STK32B: variants seen among roughly 807,000 people sequenced by gnomAD.
STK32B encodes the protein serine/threonine kinase 32B.
STK32B carries 43 observed loss-of-function variants against 52.6 expected under a neutral mutation model. The ratio of observed to expected loss-of-function variants is 0.82; its 90% CI spans 0.64 to 1.05. The LOEUF (loss-of-function observed/expected upper bound fraction) is 1.05, where lower values mean the gene tolerates loss of function less well. Among genes scored for constraint, STK32B ranks in the 50% least tolerant of loss-of-function variants. STK32B has a pLI of 0.00. For synonymous variants in STK32B, 238 were observed against 204.3 expected (o/e 1.17, Z -1.41); for missense variants, 621 against 534.6 (o/e 1.16, Z -1.59).
chr4:5,149,663 A>G (rs1717187486), intron 2 of STK32B, among the ~76,000 whole-genome samples: 1 of 151,868 alleles, frequency 6.6e-6, no homozygotes, highest in African/African-American at 2.4e-5. Context: ...TGTCAAATGT[A>G]TTGCAGCTTC....
intron 3 of STK32B, among the ~76,000 whole-genome samples, chr4:5,214,484 C>T (rs1157333488): frequency 6.6e-6 from 1 of 152,122 alleles, no homozygotes; most frequent in East Asian, 1.9e-4. Context: ...CTCACTATTC[C>T]AGCATGATTT....
chr4:5,456,731 T>C, intron 7 of STK32B, 76 bp from the exon 8 acceptor site: 1 of 1,266,546 alleles, frequency 7.9e-7, no homozygotes, highest in East Asian at 2.5e-5. Context: ...TCCCTCATAA[T>C]CATACAATCT....
At chr4:5,195,194 A>G (rs982625804) in intron 3 of STK32B, among the ~76,000 whole-genome samples, 2 of 152,048 alleles carry the variant, frequency 1.3e-5, no homozygotes, top group African/African-American at 2.4e-5. Context: ...CCGGCCTCAG[A>G]CTATATTTTC....
rs201800575 is a variant in STK32B, at chr4:5,331,367, T to C, written c.408T>C (p.Tyr136=). The C allele has an allele frequency of 1.9e-6, 3 of 1,613,044 alleles. No individual in the cohort carries two copies. The African/African-American group carries it at 4.0e-5, about 22-fold the overall frequency. The change falls in exon 4 of 12, where the codon TAT becomes TAC. Residue 136 remains tyrosine, a synonymous_variant. Coordinates refer to ENST00000282908, the MANE Select transcript of STK32B (RefSeq NM_018401.3). The stretch of plus-strand genomic sequence containing the variant: ...GTGAGCTGGCACTGGCCCTGGAGTA[T>C]CTTCAGAGGTACCACATCATCCACA... ...YICELALALE[Y]LQRYHIIHRD... is the part of the protein sequence containing the mutation.
chr4:5,367,898 C>G (rs1734978687), intron 4 of STK32B, among the ~76,000 whole-genome samples: 1 of 152,166 alleles, frequency 6.6e-6, no homozygotes, highest in African/African-American at 2.4e-5. Context: ...AGACCTCTCC[C>G]TGTCCACATC....
At chr4:5,320,291 G>A (rs1183597732) in intron 3 of STK32B, among the ~76,000 whole-genome samples, 1 of 152,056 alleles carries the variant, frequency 6.6e-6, no homozygotes, top group Admixed American at 6.6e-5. Context: ...AAACATTCAG[G>A]CATATTCACC....
chr4:5,486,747 C>A (rs1719252583), intron 11 of STK32B, among the ~76,000 whole-genome samples: 2 of 152,210 alleles, frequency 1.3e-5, no homozygotes, highest in South Asian at 4.1e-4. Flanking sequence ...GCTGGCTCCA[C>A]CCCCCTAAAA....
At chr4:5,110,091 A>G (rs1714315822) in intron 1 of STK32B, among the ~76,000 whole-genome samples, 1 of 152,114 alleles carries the variant, frequency 6.6e-6, no homozygotes, top group South Asian at 2.1e-4. Flanking sequence ...CACTGATGAA[A>G]GAAATTGTAG....
intron 4 of STK32B, among the ~76,000 whole-genome samples, chr4:5,391,842 T>C (rs1445682018): frequency 2.6e-5 from 4 of 152,210 alleles, no homozygotes; most frequent in Non-Finnish European, 4.4e-5. Context: ...CTCATGCATG[T>C]ATGATGGTAG....
chr4:5,135,456 A>G (rs115923503), intron 1 of STK32B, among the ~76,000 whole-genome samples: 18 of 152,346 alleles, frequency 1.2e-4, no homozygotes, highest in African/African-American at 4.3e-4. Context: ...ATTTAACAAT[A>G]AAATAGTTAG....
In STK32B at chr4:5,460,579, C is replaced by T. The variant is rs897985417; in HGVS notation, c.909+351C>T. On this transcript the variant is annotated intron_variant, in intron 9 of 11. Coordinates refer to ENST00000282908, the MANE Select transcript of STK32B (RefSeq NM_018401.3). This position sits in a 1 kb window ranked among gnomAD's most constrained non-coding sequence, Gnocchi z 4.8. Reference sequence around the variant, plus strand: ...GAGGAAGACAGGCAATGACCTACCCCGACAGGGCAGTCAGCACTTGTTGCA... The same window carrying T: ...GAGGAAGACAGGCAATGACCTACCCTGACAGGGCAGTCAGCACTTGTTGCA... Among the ~76,000 whole-genome samples the T allele has an allele frequency of 5.3e-5, 8 of 152,148 alleles. No individual in the cohort carries two copies. In the South Asian group the frequency reaches 6.2e-4, roughly 12 times the overall value.
chr4:5,050,620 G>A (rs544362370), upstream of STK32B, among the ~76,000 whole-genome samples: 1 of 152,270 alleles, frequency 6.6e-6, no homozygotes, highest in East Asian at 1.9e-4. Flanking sequence ...CCCAGCAGAT[G>A]GCAGGATGTA....
At chr4:5,172,879 G>T (rs1456884616) in intron 3 of STK32B, among the ~76,000 whole-genome samples, 3 of 152,312 alleles carry the variant, frequency 2.0e-5, no homozygotes, top group East Asian at 1.9e-4. Context: ...GTTTCAGAAG[G>T]AATGGTACCA....
intron 4 of STK32B, among the ~76,000 whole-genome samples, chr4:5,347,760 G>C (rs1733562547): frequency 6.6e-6 from 1 of 152,136 alleles, no homozygotes; most frequent in African/African-American, 2.4e-5. Flanking sequence ...AGATCTGATA[G>C]TTTAAAAGTG....
chr4:5,311,404 C>A (rs1730278990), intron 3 of STK32B, among the ~76,000 whole-genome samples: 1 of 152,070 alleles, frequency 6.6e-6, no homozygotes, highest in Non-Finnish European at 1.5e-5. Context: ...GCAAAATAAA[C>A]CCAAGGCAAG....
chr4:5,101,418 A>G (rs1713782321), intron 1 of STK32B, among the ~76,000 whole-genome samples: 2 of 152,230 alleles, frequency 1.3e-5, no homozygotes, highest in South Asian at 4.1e-4. Flanking sequence ...GAAGAAAAAT[A>G]AAAGAAAATT....
chr4:5,391,620 G>C (rs1736602092), intron 4 of STK32B, among the ~76,000 whole-genome samples: 1 of 152,132 alleles, frequency 6.6e-6, no homozygotes, highest in Non-Finnish European at 1.5e-5. Context: ...GAGCACCCAA[G>C]ATGGTCTGGC....
At chr4:5,241,437 A>G (rs987401565) in intron 3 of STK32B, among the ~76,000 whole-genome samples, 6 of 152,200 alleles carry the variant, frequency 3.9e-5, no homozygotes, top group African/African-American at 1.4e-4. Context: ...CAGCACCTGG[A>G]GTGCAAACAA....
chr4:5,301,664 C>CTT (rs3077861), intron 3 of STK32B, among the ~76,000 whole-genome samples: 4 of 108,522 alleles, frequency 3.7e-5, no homozygotes, highest in Non-Finnish European at 6.3e-5. Flanking sequence ...TCTTTTCTTT[C>CTT]TTTTTTTTTT....
Sources: allele counts gnomAD v4.1 joint callset (sites outside exome capture counted in the v4.1 genomes callset), GRCh38; gene constraint gnomAD v4.1.1; non-coding constraint Gnocchi (gnomAD v3.1); transcripts MANE v1.5; gene names NCBI Gene and HGNC (gene_info 2026-07-23, HGNC 2026-07-21).